Variants in SPMIP2 observed in about 807,000 individuals in gnomAD.
The protein encoded by SPMIP2 is protein SPMIP2.
At chr4:158,988,896 C>T in the SPMIP2 span, among the ~76,000 whole-genome samples, 1 of 152,082 alleles carries the variant, frequency 6.6e-6, no homozygotes, top group East Asian at 1.9e-4. Flanking sequence ...GTCAATCAGG[C>T]AAGAGAAAGA....
the SPMIP2 span, among the ~76,000 whole-genome samples, chr4:159,070,935 C>T: frequency 1.3e-5 from 2 of 152,176 alleles, no homozygotes; most frequent in African/African-American, 4.8e-5. Flanking sequence ...ACCATTCGTT[C>T]TGGATCTGCG....
At chr4:158,959,621 T>C in the SPMIP2 span, among the ~76,000 whole-genome samples, 1 of 152,150 alleles carries the variant, frequency 6.6e-6, no homozygotes, top group Non-Finnish European at 1.5e-5. Flanking sequence ...GCCCCAGAAA[T>C]CCTCACCTTC....
At chr4:158,980,379 T>C in the SPMIP2 span, among the ~76,000 whole-genome samples, 2 of 152,190 alleles carry the variant, frequency 1.3e-5, no homozygotes, top group African/African-American at 2.4e-5. Context: ...CCTCCTCAAC[T>C]GGGTCCCTGA....
the SPMIP2 span, among the ~76,000 whole-genome samples, chr4:159,040,194 C>T: frequency 2.5e-3 from 382 of 151,814 alleles, 5 homozygotes; most frequent in South Asian, 0.015. Context: ...TTTTTTGGGA[C>T]GGAGTCTCGC....
chr4:158,980,873 A>G, the SPMIP2 span, among the ~76,000 whole-genome samples: 1 of 152,246 alleles, frequency 6.6e-6, no homozygotes. Flanking sequence ...ATGAACTGAC[A>G]AAAGTAGGCC....
chr4:159,020,965 A>G, the SPMIP2 span, among the ~76,000 whole-genome samples: 1 of 152,090 alleles, frequency 6.6e-6, no homozygotes, highest in Non-Finnish European at 1.5e-5. Flanking sequence ...GTTTCACCGT[A>G]TTAGCCAGGA....
chr4:159,072,089 G>A, the SPMIP2 span, among the ~76,000 whole-genome samples: 1 of 152,220 alleles, frequency 6.6e-6, no homozygotes, highest in East Asian at 1.9e-4. Context: ...AAGGTGGGTG[G>A]ATCACTTGGG....
At chr4:158,990,135 A>T in the SPMIP2 span, among the ~76,000 whole-genome samples, 1 of 152,120 alleles carries the variant, frequency 6.6e-6, no homozygotes, top group Non-Finnish European at 1.5e-5. Context: ...AAAGCTCATC[A>T]TCACTGGTCA....
chr4:158,988,170 C>A, the SPMIP2 span, among the ~76,000 whole-genome samples: 1 of 152,128 alleles, frequency 6.6e-6, no homozygotes, highest in Non-Finnish European at 1.5e-5. Flanking sequence ...TGGGCACATA[C>A]ACCCTCCCAA....
the SPMIP2 span, among the ~76,000 whole-genome samples, chr4:159,063,862 A>G: frequency 6.6e-6 from 1 of 152,186 alleles, no homozygotes; most frequent in Non-Finnish European, 1.5e-5. Context: ...TCAGTGGCTC[A>G]TGGGTTTGCA....
At chr4:159,012,024 C>G in the SPMIP2 span, among the ~76,000 whole-genome samples, 1 of 149,660 alleles carries the variant, frequency 6.7e-6, no homozygotes, top group South Asian at 2.2e-4. Context: ...CGATTATACT[C>G]CAGCCTGGGT....
At chr4:158,977,625 T>TTTTTTTTTTTC in the SPMIP2 span, among the ~76,000 whole-genome samples, 14 of 104,344 alleles carry the variant, frequency 1.3e-4, no homozygotes, top group African/African-American at 2.5e-4. Flanking sequence ...TTTTTTTTTT[T>TTTTTTTTTTTC]TCTCTTTGAG....
the SPMIP2 span, among the ~76,000 whole-genome samples, chr4:159,015,859 T>C: frequency 6.6e-6 from 1 of 152,334 alleles, no homozygotes; most frequent in East Asian, 1.9e-4. Flanking sequence ...GATATTGTGT[T>C]GATGGATCAG....
the SPMIP2 span, among the ~76,000 whole-genome samples, chr4:158,901,455 CATT>C: frequency 1.3e-5 from 2 of 152,000 alleles, no homozygotes; most frequent in Non-Finnish European, 2.9e-5. Context: ...TGAATCTGAC[CATT>C]ATGTGTCTTG....
the SPMIP2 span, among the ~76,000 whole-genome samples, chr4:158,974,412 A>G: frequency 6.6e-6 from 1 of 152,240 alleles, no homozygotes; most frequent in East Asian, 1.9e-4. Context: ...GCACCCATCA[A>G]CCCGTCATCT....
the SPMIP2 span, among the ~76,000 whole-genome samples, chr4:159,013,249 G>T: frequency 6.6e-6 from 1 of 152,294 alleles, no homozygotes; most frequent in Admixed American, 6.5e-5. Flanking sequence ...ATACCCAAAA[G>T]AAGTGAAAGC....
chr4:159,037,277 C>T, the SPMIP2 span, among the ~76,000 whole-genome samples: 1,677 of 152,168 alleles, frequency 0.011, 25 homozygotes, highest in African/African-American at 0.038. Context: ...AAAATTATTC[C>T]ACTAATTGAA....
At chr4:159,030,463 T>TTTTA in the SPMIP2 span, among the ~76,000 whole-genome samples, 2,135 of 142,376 alleles carry the variant, frequency 0.015, 20 homozygotes, top group South Asian at 0.021. Context: ...GAAAGCAAAA[T>TTTTA]TTTATTTATT....
At chr4:159,022,290 C>T in the SPMIP2 span, among the ~76,000 whole-genome samples, 1 of 152,242 alleles carries the variant, frequency 6.6e-6, no homozygotes, top group East Asian at 1.9e-4. Flanking sequence ...CCAGTGCCGT[C>T]ATTCACTGGG....
Sources: allele counts gnomAD v4.1 joint callset (sites outside exome capture counted in the v4.1 genomes callset), GRCh38; gene constraint gnomAD v4.1.1; transcripts MANE v1.5; gene names NCBI Gene and HGNC (gene_info 2026-07-23, HGNC 2026-07-21).